UQCC2: variants seen among roughly 807,000 people sequenced by gnomAD.
UQCC2 encodes the protein breast cancer-associated protein SGA-81M.
Under a neutral mutation model 19.9 loss-of-function variants are expected in UQCC2, and 21 were observed. That is an observed-to-expected ratio of 1.05 (90% confidence interval 0.75 to 1.52). The LOEUF (loss-of-function observed/expected upper bound fraction) is 1.52, where lower values mean the gene tolerates loss of function less well. Among genes scored for constraint, UQCC2 ranks in the 40% most tolerant of loss-of-function variants. The pLI is 0.00. For missense variants in UQCC2, 135 were observed against 157.5 expected (o/e 0.86, Z 0.76); for synonymous variants, 57 against 60.9 (o/e 0.94, Z 0.30).
intron 1 of UQCC2, among the ~76,000 whole-genome samples, chr6:33,703,711 T>C (rs1443815942): frequency 6.6e-6 from 1 of 152,206 alleles, no homozygotes; most frequent in Non-Finnish European, 1.5e-5. Flanking sequence ...CACTTGAAAG[T>C]AGGAGCATAA....
chr6:33,708,598 C>T (rs537036027), intron 1 of UQCC2, among the ~76,000 whole-genome samples: 1 of 152,288 alleles, frequency 6.6e-6, no homozygotes, highest in Admixed American at 6.5e-5. Context: ...ACGGCATGAG[C>T]AGAGCTACTT....
At chr6:33,705,357 G>T (rs1192981239) in intron 1 of UQCC2, among the ~76,000 whole-genome samples, 1 of 152,154 alleles carries the variant, frequency 6.6e-6, no homozygotes, top group Non-Finnish European at 1.5e-5. Flanking sequence ...CTTCCTGTGT[G>T]AAAGAGACAG....
intron 3 of UQCC2, 190 bp from the exon 4 acceptor site, chr6:33,697,940 A>G (rs1765587063): frequency 1.7e-6 from 1 of 590,998 alleles, no homozygotes; most frequent in Non-Finnish European, 3.0e-6. Context: ...GCGGGGACTG[A>G]GCACTGTGTG....
chr6:33,711,687 C>G lies in UQCC2; in HGVS notation c.-1G>C. ...AACGCCGGTACCGGCTGGCCGCCAT[C>G]TTGGGCCCCGCGTGTTCCCGCCTTA... is the stretch of plus-strand genomic sequence containing the variant. On this transcript the variant is annotated 5_prime_UTR_variant, in exon 1 of 4. Coordinates refer to ENST00000607484, the MANE Select transcript of UQCC2 (RefSeq NM_032340.4). 1 of 1,607,722 alleles carries G rather than the reference C, an allele frequency of 6.2e-7. No homozygotes were observed. The highest frequency in any genetic ancestry group is 8.5e-7 in the Non-Finnish European group (1 of 1,177,874).
At chr6:33,701,299 T>C in intron 2 of UQCC2, 47 bp downstream of exon 2, 2 of 1,560,008 alleles carry the variant, frequency 1.3e-6, no homozygotes, top group Non-Finnish European at 1.7e-6. Context: ...TTCTTATTAG[T>C]TGTCCCGTCA....
intron 1 of UQCC2, among the ~76,000 whole-genome samples, chr6:33,709,647 T>C (rs1765742468): frequency 6.6e-6 from 1 of 152,126 alleles, no homozygotes; most frequent in Non-Finnish European, 1.5e-5. Context: ...GGGTATCGTA[T>C]AACCTGGGCC....
intron 1 of UQCC2, among the ~76,000 whole-genome samples, chr6:33,707,485 GAGA>G (rs1176763721): frequency 6.6e-6 from 1 of 152,244 alleles, no homozygotes; most frequent in Non-Finnish European, 1.5e-5. Flanking sequence ...ATTCTCCTCT[GAGA>G]AGGTGGAAAT....
In UQCC2 at chr6:33,696,782, C is replaced by T. The variant is rs1446973852; in HGVS notation, c.*871G>A. 6.6e-6 allele frequency: 1 copy of T among 152,184 alleles called. No homozygotes were observed. Among genetic ancestry groups the T allele is most frequent in the Non-Finnish European group, 1.5e-5 (1 of 68,050 alleles). 9.4% of individuals were successfully genotyped at this position (152,184 alleles called of 1,614,324 possible). Reference sequence around the variant, plus strand: ...TAACTGGTTTCTACGGCAGTCCTGTCGATTTTATTTTATGCATTTCAGAAC... The same window carrying T: ...TAACTGGTTTCTACGGCAGTCCTGTTGATTTTATTTTATGCATTTCAGAAC... On this transcript the variant is annotated 3_prime_UTR_variant, in exon 4 of 4. Coordinates refer to ENST00000607484, the MANE Select transcript of UQCC2 (RefSeq NM_032340.4).
intron 1 of UQCC2, among the ~76,000 whole-genome samples, chr6:33,706,377 A>G (rs1360442213): frequency 6.6e-6 from 1 of 152,120 alleles, no homozygotes; most frequent in African/African-American, 2.4e-5. Context: ...CCACTAGGGG[A>G]CGGTGAGGGG....
At position 33,696,903 on chromosome 6, in the gene UQCC2, CAG is replaced by C. The variant is rs1402102982; in HGVS notation, c.*748_*749del. The C allele has an allele frequency of 8.5e-5, 13 of 152,454 alleles. No individual in the cohort carries two copies. Among genetic ancestry groups the C allele is most frequent in the African/African-American group, 2.9e-4 (12 of 41,584 alleles). The allele number at this position is 152,454 out of a possible 1,614,324, so 9.4% of individuals were successfully genotyped here. On this transcript the variant is annotated 3_prime_UTR_variant, in exon 4 of 4. Coordinates refer to ENST00000607484, the MANE Select transcript of UQCC2 (RefSeq NM_032340.4). The stretch of plus-strand genomic sequence containing the variant: ...GGCCCAGCCCTGTCCCTCACGGTTC[CAG>C]AGAGAAGGATGCTCAATATCAGTAA...
chr6:33,699,199 A>G (rs1451602227), intron 3 of UQCC2, among the ~76,000 whole-genome samples: 1 of 152,220 alleles, frequency 6.6e-6, no homozygotes, highest in Non-Finnish European at 1.5e-5. Flanking sequence ...GTCCTGTCAG[A>G]GGAAACATTT....
At chr6:33,711,412 A>G (rs1469211380) in intron 1 of UQCC2, 137 bp downstream of exon 1, 15 of 1,261,012 alleles carry the variant, frequency 1.2e-5, no homozygotes, top group Non-Finnish European at 1.5e-5. Flanking sequence ...TCCCTGGGGG[A>G]AAAAGGGGGT....
At position 33,700,520 on chromosome 6, in the gene UQCC2, A is replaced by G; in HGVS notation, c.214-7T>C. The G allele has an allele frequency of 3.7e-6, 6 of 1,614,128 alleles. No individual in the cohort carries two copies. The South Asian group carries it at 6.6e-5, about 18-fold the overall frequency. On this transcript the variant is annotated splice_region_variant and splice_polypyrimidine_tract_variant and intron_variant, in intron 2 of 3. Transcript: ENST00000607484. The stretch of plus-strand genomic sequence containing the variant: ...TGTCTCTGGGGCGAGGGTACTGGTC[A>G]CCGGGGCAGAAAGGAAGTGAAGGGA...
chr6:33,697,801 T>C (rs2127332010), intron 3 of UQCC2, 51 bp from the exon 4 acceptor site: 1 of 1,489,740 alleles, frequency 6.7e-7, no homozygotes, highest in East Asian at 2.3e-5. Context: ...TAAAACTTGA[T>C]GACATAGATT....
intron 2 of UQCC2, 67 bp from the exon 3 acceptor site, chr6:33,700,580 CTG>C (rs1285078407): frequency 1.9e-6 from 3 of 1,557,902 alleles, no homozygotes; most frequent in Non-Finnish European, 2.7e-6. Context: ...TGCTCTCTAA[CTG>C]CATTTCACCT....
At chr6:33,697,813 G>A in intron 3 of UQCC2, 63 bp from the exon 4 acceptor site, 1 of 1,376,632 alleles carries the variant, frequency 7.3e-7, no homozygotes, top group Non-Finnish European at 1.0e-6. Context: ...ACATAGATTG[G>A]ACCCACTGGG....
chr6:33,708,187 A>G (rs1765721985), intron 1 of UQCC2, among the ~76,000 whole-genome samples: 1 of 152,226 alleles, frequency 6.6e-6, no homozygotes, highest in South Asian at 2.1e-4. Flanking sequence ...TGCTGCCCAA[A>G]CTATCTATGG....
intron 1 of UQCC2, among the ~76,000 whole-genome samples, chr6:33,704,841 G>C (rs1765680737): frequency 6.6e-6 from 1 of 152,118 alleles, no homozygotes; most frequent in African/African-American, 2.4e-5. Flanking sequence ...CAGCAACCTT[G>C]TATCACACCC....
In UQCC2 at chr6:33,711,618, C is replaced by T; in HGVS notation, c.69G>A (p.Arg23=). 6.2e-7 allele frequency: 1 copy of T among 1,614,046 alleles called. No individual in the cohort carries two copies. Among genetic ancestry groups the T allele is most frequent in the Non-Finnish European group, 8.5e-7 (1 of 1,179,952 alleles). ...GCAGGTAAGCGCCCAAGTCCCGGCC[C>T]CGTTTGGTCTCGTCCACTGGCCATT... is the stretch of plus-strand genomic sequence containing the variant. ...CEEWPVDETK[R]GRDLGAYLRQ... Residue 23 remains arginine (R), a synonymous_variant, in exon 1 of 4, where the codon CGG becomes CGA. Transcript: ENST00000607484.
Sources: allele counts gnomAD v4.1 joint callset (sites outside exome capture counted in the v4.1 genomes callset), GRCh38; gene constraint gnomAD v4.1.1; transcripts MANE v1.5; gene names NCBI Gene and HGNC (gene_info 2026-07-23, HGNC 2026-07-21).